The following FBXL6 variants were observed in gnomAD, a reference collection of about 807,000 sequenced individuals.
FBXL6 encodes F-box/LRR-repeat protein 6.
Under a neutral mutation model 53.3 loss-of-function variants are expected in FBXL6, and 50 were observed. The observed-to-expected ratio is 0.94, with a 90% CI of 0.75 to 1.19. The LOEUF (loss-of-function observed/expected upper bound fraction) is 1.19, where lower values mean the gene tolerates loss of function less well. Among genes scored for constraint, FBXL6 ranks in the 50% most tolerant of loss-of-function variants. The probability of loss-of-function intolerance (pLI) is 0.00; values close to 1 mark genes in which losing one functional copy is unlikely to be tolerated. For synonymous variants in FBXL6, 405 were observed against 322.9 expected, an observed-to-expected ratio of 1.25 and a Z score of -2.73; for missense variants, 815 against 719.0, an observed-to-expected ratio of 1.13 and a Z score of -1.53.
In FBXL6 at chr8:144,355,574, T is replaced by C; in HGVS notation, c.1577A>G (p.Gln526Arg). 1 of 1,611,274 alleles carries C rather than the reference T, an allele frequency of 6.2e-7. No individual in the cohort carries two copies. Among genetic ancestry groups the C allele is most frequent in the African/African-American group, 1.3e-5 (1 of 75,014 alleles). ...GGTGAGCAGCTGCTCCAGACACCACTGGACTTCCTCCAGGCCCCGGTAGGC... is the reference window on the plus strand; with the variant it reads ...GGTGAGCAGCTGCTCCAGACACCACCGGACTTCCTCCAGGCCCCGGTAGGC... ...KRAYRGLEEVQWCLEQLLTSP... is the reference protein window; with the variant it reads ...KRAYRGLEEVRWCLEQLLTSP... The change falls in exon 9 of 9, where the codon CAG becomes CGG. Residue 526 changes from glutamine (Q) to arginine (R), a missense_variant. Coordinates refer to ENST00000331890, the MANE Select transcript of FBXL6 (RefSeq NM_012162.4).
intron 6 of FBXL6, 31 bp from the exon 7 acceptor site, chr8:144,356,562 G>A: frequency 6.2e-7 from 1 of 1,612,680 alleles, no homozygotes. Flanking sequence ...GTAGATGGGG[G>A]AGGGTGTGAC....
At chr8:144,357,861 C>G (rs1224174637) in intron 1 of FBXL6, 75 bp from the exon 2 acceptor site, 1 of 1,441,556 alleles carries the variant, frequency 6.9e-7, no homozygotes, top group Non-Finnish European at 9.1e-7. Context: ...GTAGACACCC[C>G]GGCTCAAAGC....
Position 144,356,694 on chromosome 8 carries a change from A to G in FBXL6, c.899T>C (p.Leu300Pro). The change falls in exon 6 of 9, where the codon CTC becomes CCC. Residue 300 changes from leucine (L) to proline (P), a missense_variant. Leu to Pro is a moderately conservative substitution (Grantham distance 98). Coordinates refer to ENST00000331890, the MANE Select transcript of FBXL6 (RefSeq NM_012162.4). ...GALLGSCCPQ[L>P]QVLEVSTGIN... ...GCCGGTGCTCACCTCCAGGACCTGG[A>G]GCTGGGGGCAGCAGCTGCCCTGCAG... is the stretch of plus-strand genomic sequence containing the variant. The G allele has an allele frequency of 6.2e-7, 1 of 1,612,208 alleles. No individual in the cohort carries two copies. Among genetic ancestry groups the G allele is most frequent in the Non-Finnish European group, 8.5e-7 (1 of 1,179,920 alleles).
chr8:144,357,402 G>A (rs1818506257), intron 3 of FBXL6, 37 bp downstream of exon 3: 2 of 1,593,780 alleles, frequency 1.3e-6, no homozygotes, highest in Non-Finnish European at 8.6e-7. Flanking sequence ...GTCCCAGAGT[G>A]TCACAGCTGA....
rs77494279 is a variant in FBXL6 at position 144,356,302 on chromosome 8, C to G, written c.1223G>C (p.Arg408Pro). ...TPAGLQDLPC[R>P]ELEQLHLGLY... ...GGCCACCACCCAGGACTGCTGACCC[C>G]GACATGGCAGATCCTGAAGGCCAGC... Residue 408 changes from arginine (R) to proline (P), a missense_variant and splice_region_variant, in exon 7 of 9, where the codon CGG becomes CCG. By Grantham distance (103) the Arg-to-Pro change is moderately radical. Transcript: ENST00000331890. 3 of 749,726 alleles carry G rather than the reference C, an allele frequency of 4.0e-6. No homozygotes were observed. The highest frequency in any genetic ancestry group is 4.5e-5 in the Admixed American group (1 of 22,148). 46.4% of individuals were successfully genotyped at this position (749,726 alleles called of 1,614,324 possible). A position where few individuals can be genotyped will look rare whatever the true frequency, so the allele number is the denominator to read the frequency against.
Position 144,356,866 on chromosome 8 carries a change from AT to A in FBXL6, c.820del (p.Met274CysfsTer6), listed in dbSNP as rs1818466952. On this transcript the variant is annotated frameshift_variant, in exon 5 of 9. Transcript: ENST00000331890. LOFTEE classifies it high-confidence loss of function. ...GCTGTAGGTCAGCCACAACTTGCGC[AT>A]TCGGGACCCTGCCTCCTCCAAGAAG... ...VSFLEEAGSR[M>X]RKLWLTYSSQ... 8 of 1,613,428 alleles carry A rather than the reference AT, an allele frequency of 5.0e-6. No homozygotes were observed. Among genetic ancestry groups the A allele is most frequent in the Non-Finnish European group, 6.8e-6 (8 of 1,179,998 alleles).
At chr8:144,357,212 C>G (rs1818495286) in intron 3 of FBXL6, 91 bp from the exon 4 acceptor site, 2 of 1,542,962 alleles carry the variant, frequency 1.3e-6, no homozygotes, top group Middle Eastern at 2.2e-4. Flanking sequence ...CAACCCCACT[C>G]TACCGCCTTA....
chr8:144,355,613 C>G lies in FBXL6; in HGVS notation c.1538G>C (p.Arg513Pro), dbSNP rs377590753. ...GCCCCGGTAGGCCCGCTTCAGACCC[C>G]GGGGAAGGCAGCGGCAGGACTCCAG... ...LNLESCRCLPRGLKRAYRGLE... is the reference protein window; with the variant it reads ...LNLESCRCLPPGLKRAYRGLE... Residue 513 changes from arginine to proline, a missense_variant, in exon 9 of 9, where the codon CGG (arginine) becomes CCG (proline). Coordinates refer to ENST00000331890, the MANE Select transcript of FBXL6 (RefSeq NM_012162.4). The G allele has an allele frequency of 6.2e-7, 1 of 1,611,258 alleles. No homozygotes were observed. The highest frequency in any genetic ancestry group is 8.5e-7 in the Non-Finnish European group (1 of 1,179,950).
At position 144,358,307 on chromosome 8, in the gene FBXL6, C is replaced by G; in HGVS notation, c.141G>C (p.Leu47=). The G allele has an allele frequency of 7.9e-7, 1 of 1,259,898 alleles. No homozygotes were observed. Among genetic ancestry groups the G allele is most frequent in the East Asian group, 2.9e-5 (1 of 33,908 alleles). 78.0% of individuals were successfully genotyped at this position (1,259,898 alleles called of 1,614,324 possible). A position where few individuals can be genotyped will look rare whatever the true frequency, so the allele number is the denominator to read the frequency against. The change falls in exon 1 of 9, where the codon CTG becomes CTC. Residue 47 remains leucine (L), a synonymous_variant. Coordinates refer to ENST00000331890, the MANE Select transcript of FBXL6 (RefSeq NM_012162.4). ...GGGCGGGGCCGGGTTCGGACAGCACCAGCAGCATGCTGTCGGACTGCAGCA... is the reference window on the plus strand; with the variant it reads ...GGGCGGGGCCGGGTTCGGACAGCACGAGCAGCATGCTGTCGGACTGCAGCA... The part of the protein sequence containing the change: ...YHLLQSDSML[L]VLSEPGPARP...
In FBXL6 at chr8:144,355,657, C is replaced by T. The variant is rs149455097; in HGVS notation, c.1494G>A (p.Pro498=). 6.2e-6 allele frequency: 10 copies of T among 1,610,710 alleles called. No individual in the cohort carries two copies. The highest frequency in any genetic ancestry group is 2.2e-5 in the East Asian group (1 of 44,886). Residue 498 remains proline, a synonymous_variant, in exon 9 of 9, where the codon CCG becomes CCA. Coordinates refer to ENST00000331890, the MANE Select transcript of FBXL6 (RefSeq NM_012162.4). ...ACTCCAGGTTGAGGTAGAGCAGGCC[C>T]GGGCAGCCGCTGATCACAGAGCTGT... ...STVSSVISGC[P]GLLYLNLESC...
At position 144,355,587 on chromosome 8, in the gene FBXL6, G is replaced by C; in HGVS notation, c.1564C>G (p.Leu522Val). ...PRGLKRAYRG[L>V]EEVQWCLEQL... Reference sequence around the variant, plus strand: ...TCCAGACACCACTGGACTTCCTCCAGGCCCCGGTAGGCCCGCTTCAGACCC... The same window carrying C: ...TCCAGACACCACTGGACTTCCTCCACGCCCCGGTAGGCCCGCTTCAGACCC... Residue 522 changes from leucine to valine, a missense_variant, in exon 9 of 9, where the codon CTG becomes GTG. Leu to Val is a conservative substitution (Grantham distance 32). Coordinates refer to ENST00000331890, the MANE Select transcript of FBXL6 (RefSeq NM_012162.4). 6.2e-7 allele frequency: 1 copy of C among 1,611,310 alleles called. No homozygotes were observed. The highest frequency in any genetic ancestry group is 8.5e-7 in the Non-Finnish European group (1 of 1,179,944).
chr8:144,357,623 C>T lies in FBXL6; in HGVS notation c.575+5G>A, dbSNP rs782329010. 5.6e-6 allele frequency: 9 copies of T among 1,604,898 alleles called. No homozygotes were observed. The highest frequency in any genetic ancestry group is 6.8e-6 in the Non-Finnish European group (8 of 1,174,118). On this transcript the variant is annotated splice_donor_5th_base_variant and intron_variant, in intron 2 of 8. Transcript: ENST00000331890. ...CAGGGGTAAGGAAGAGAGGGAACCC[C>T]TCACCGATTGGGCATAAGCCACTCC...
In FBXL6 at chr8:144,357,124, G is replaced by A. The variant is rs376850707; in HGVS notation, c.640-3C>T. ...CGAGGACAGCACTCACCTACCAGCT[G>A]CGGGGAGACAGAGGGGCAGCTGGGG... On this transcript the variant is annotated splice_region_variant and splice_polypyrimidine_tract_variant and intron_variant, in intron 3 of 8. Coordinates refer to ENST00000331890, the MANE Select transcript of FBXL6 (RefSeq NM_012162.4). 1 of 1,612,720 alleles carries A rather than the reference G, an allele frequency of 6.2e-7. No homozygotes were observed. The highest frequency in any genetic ancestry group is 8.5e-7 in the Non-Finnish European group (1 of 1,179,970).
chr8:144,358,342 C>T lies in FBXL6; in HGVS notation c.106G>A (p.Gly36Arg). ...WWDRLAPRGS[G>R]YHLLQSDSML... ...CTGTCGGACTGCAGCAGGTGGTACC[C>T]CGAGCCCCTCGGCGCCAGCCGGTCC... Residue 36 changes from glycine to arginine, a missense_variant, in exon 1 of 9, where the codon GGG (glycine) becomes AGG (arginine). Gly to Arg is a moderately radical substitution (Grantham distance 125, BLOSUM62 -2). Transcript: ENST00000331890. 5.5e-6 allele frequency: 7 copies of T among 1,268,022 alleles called. No individual in the cohort carries two copies. The highest frequency in any genetic ancestry group is 6.9e-6 in the Non-Finnish European group (7 of 1,008,610). The allele number at this position is 1,268,022 out of a possible 1,614,324, so 78.5% of individuals were successfully genotyped here.
rs782706635 is a variant in FBXL6, at chr8:144,357,741, G to T, written c.462C>A (p.Pro154=). The part of the protein sequence containing the change: ...CRRWQEAASQ[P]ALWHTVTLSS... ...ACAGGGTCACGGTGTGCCAGAGCGC[G>T]GGTTGGGAAGCGGCCTCCTGCCAGC... Residue 154 remains proline, a synonymous_variant, in exon 2 of 9, where the codon CCC becomes CCA. Transcript: ENST00000331890. The T allele has an allele frequency of 6.3e-5, 101 of 1,601,698 alleles. 2 individuals carry two copies. The highest frequency in any genetic ancestry group is 1.7e-5 in the Admixed American group (1 of 59,078).
At chr8:144,355,779 A>G in intron 8 of FBXL6, 101 bp from the exon 9 acceptor site, 1 of 1,531,096 alleles carries the variant, frequency 6.5e-7, no homozygotes, top group Non-Finnish European at 8.8e-7. Context: ...TGGCTCTGCC[A>G]CCCATAGCCA....
chr8:144,357,554 C>T (rs926012786), intron 2 of FBXL6, 52 bp from the exon 3 acceptor site: 1 of 1,612,266 alleles, frequency 6.2e-7, no homozygotes, highest in East Asian at 2.2e-5. Flanking sequence ...ACGAGTCCTT[C>T]CCACCCAACA....
chr8:144,356,490 C>A lies in FBXL6; in HGVS notation c.1035G>T (p.Pro345=). The change falls in exon 7 of 9, where the codon CCG becomes CCT. Residue 345 remains proline (P), a synonymous_variant. Transcript: ENST00000331890. ...CTGGTCCGGGAGCCACCCCTCGTCC[C>A]GGAGGCTTGGGCAGCCACATCAGGT... is the stretch of plus-strand genomic sequence containing the variant. ...LLNLMWLPKP[P]GRGVAPGPGF... 6.2e-7 allele frequency: 1 copy of A among 1,612,908 alleles called. No homozygotes were observed. Among genetic ancestry groups the A allele is most frequent in the Non-Finnish European group, 8.5e-7 (1 of 1,180,006 alleles).
rs782589898 is a variant in FBXL6 at position 144,356,990 on chromosome 8, C to T, written c.771G>A (p.Met257Ile). 4.3e-6 allele frequency: 7 copies of T among 1,612,906 alleles called. No individual in the cohort carries two copies. The African/African-American group carries it at 9.3e-5, about 22-fold the overall frequency. The change falls in exon 4 of 9, where the codon ATG becomes ATA. Residue 257 changes from methionine (M) to isoleucine (I), a missense_variant and splice_region_variant. Physicochemically the swap from Met to Ile is conservative, Grantham distance 10. Transcript: ENST00000331890. The stretch of plus-strand genomic sequence containing the variant: ...GGGCCCCTTGGGACACAGGGCTCAC[C>T]ATGGAGTGCTGTAGGTCCAGGCTAT... Reference protein sequence around the residue: ...QLHSLDLQHSMVESTAVVSFL... With the variant: ...QLHSLDLQHSIVESTAVVSFL...
Sources: allele counts gnomAD v4.1 joint callset, GRCh38; gene constraint gnomAD v4.1.1; transcripts MANE v1.5; gene names NCBI Gene and HGNC (gene_info 2026-07-23, HGNC 2026-07-21).